ZFYVE21: variants seen among roughly 807,000 people sequenced by gnomAD.
The protein encoded by ZFYVE21 is zinc finger FYVE-type containing 21.
In ZFYVE21, 21 loss-of-function variants were observed where a neutral mutation model predicts 29.5. That is an observed-to-expected ratio of 0.71 (90% CI 0.50 to 1.02). The LOEUF is 1.02. ZFYVE21 is among the 50% of genes least tolerant of loss of function. ZFYVE21 has a pLI of 0.00. For missense variants in ZFYVE21, 326 were observed against 335.4 expected (o/e 0.97, Z 0.22); for synonymous variants, 151 against 133.8 (o/e 1.13, Z -0.89).
At chr14:103,718,238 C>T (rs1021602433) in intron 1 of ZFYVE21, among the ~76,000 whole-genome samples, 6 of 152,188 alleles carry the variant, frequency 3.9e-5, no homozygotes, top group Admixed American at 2.6e-4. Context: ...TATCTGTAAA[C>T]GTGTTGGTCC....
intron 1 of ZFYVE21, among the ~76,000 whole-genome samples, chr14:103,719,027 G>A (rs1170599529): frequency 6.6e-6 from 1 of 152,192 alleles, no homozygotes; most frequent in African/African-American, 2.4e-5. Flanking sequence ...TTTGCAGGGA[G>A]GAGTGGCCAA....
intron 1 of ZFYVE21, chr14:103,725,945 A>G (rs1380241978): frequency 1.3e-5 from 2 of 152,286 alleles, no homozygotes; most frequent in Non-Finnish European, 2.9e-5. Flanking sequence ...TGCTGTCAGA[A>G]TTCCTGGTGG....
chr14:103,732,376 C>T (rs562069730), intron 5 of ZFYVE21: 29 of 397,844 alleles, frequency 7.3e-5, no homozygotes, highest in Non-Finnish European at 1.0e-4. Flanking sequence ...TTGTTTGTCC[C>T]GGGCCCTGGG....
intron 1 of ZFYVE21, among the ~76,000 whole-genome samples, chr14:103,721,520 G>A (rs2151951022): frequency 6.6e-6 from 1 of 152,378 alleles, no homozygotes; most frequent in East Asian, 1.9e-4. Context: ...CTGCCTCTGT[G>A]ACGCCACTGC....
rs2083945550 is a variant in ZFYVE21 at position 103,728,132 on chromosome 14, G to A, written c.358+218G>A. The A allele has an allele frequency of 9.9e-6, 5 of 503,276 alleles. No individual in the cohort carries two copies. In the South Asian group the frequency reaches 1.3e-4, roughly 13 times the overall value. 31.2% of individuals were successfully genotyped at this position (503,276 alleles called of 1,614,324 possible). A position where few individuals can be genotyped will look rare whatever the true frequency, so the allele number is the denominator to read the frequency against. On this transcript the variant is annotated intron_variant, in intron 3 of 6. Transcript: ENST00000311141. ...CGTCTAAAATGTTGGTGCTGACTCC[G>A]CTGGGCACGTCCATCAGGTGGGAGG...
In ZFYVE21 at chr14:103,716,471, G is replaced by A. The variant is rs1032645047; in HGVS notation, c.138+492G>A. On this transcript the variant is annotated intron_variant, in intron 1 of 6. Transcript: ENST00000311141. This position sits in a 1 kb window ranked among gnomAD's most constrained non-coding sequence, Gnocchi z 4.8. ...GCAGGGGTCCCTCCCGGGAACCGGG[G>A]GAGGCGTCGGTGCCGCGGGCGGGTG... Among the ~76,000 whole-genome samples the A allele has an allele frequency of 6.6e-6, 1 of 152,238 alleles. No individual in the cohort carries two copies. The highest frequency in any genetic ancestry group is 1.5e-5 in the Non-Finnish European group (1 of 68,030).
In ZFYVE21 at chr14:103,716,504, C is replaced by T. The variant is rs1414939448; in HGVS notation, c.138+525C>T. Among the ~76,000 whole-genome samples the T allele has an allele frequency of 3.3e-5, 5 of 152,354 alleles. No homozygotes were observed. Among genetic ancestry groups the T allele is most frequent in the African/African-American group, 1.2e-4 (5 of 41,584 alleles). On this transcript the variant is annotated intron_variant, in intron 1 of 6. Transcript: ENST00000311141. This position sits in a 1 kb window ranked among gnomAD's most constrained non-coding sequence, Gnocchi z 4.8. Reference sequence around the variant, plus strand: ...CGGTGCCGCGGGCGGGTGGCCGGTTCCGAAGCCACCTCCTGCTCGGAAGGA... The same window carrying T: ...CGGTGCCGCGGGCGGGTGGCCGGTTTCGAAGCCACCTCCTGCTCGGAAGGA...
At chr14:103,732,576 T>C in intron 5 of ZFYVE21, 44 bp from the exon 6 acceptor site, 2 of 1,516,430 alleles carry the variant, frequency 1.3e-6, no homozygotes, top group Non-Finnish European at 1.8e-6. Flanking sequence ...GCCTGGGCAC[T>C]CAGGGCCTCC....
At position 103,730,020 on chromosome 14, in the gene ZFYVE21, C is replaced by G. The variant is rs1294213533; in HGVS notation, c.526+838C>G. 5 of 719,764 alleles carry G rather than the reference C, an allele frequency of 6.9e-6. No homozygotes were observed. The Admixed American group carries it at 9.1e-5, about 13-fold the overall frequency. 44.6% of individuals were successfully genotyped at this position (719,764 alleles called of 1,614,324 possible). ...GGATCTGATAAGTGGGTTTATAAAG[C>G]ATAAATGAAGATACCGCAGCAGATG... is the stretch of plus-strand genomic sequence containing the variant. On this transcript the variant is annotated intron_variant, in intron 5 of 6. Coordinates refer to ENST00000311141, the MANE Select transcript of ZFYVE21 (RefSeq NM_024071.4).
chr14:103,718,644 A>G (rs988950999), intron 1 of ZFYVE21, among the ~76,000 whole-genome samples: 1 of 152,086 alleles, frequency 6.6e-6, no homozygotes, highest in Non-Finnish European at 1.5e-5. Context: ...AATATCCGAC[A>G]CTGACGCAAG....
chr14:103,730,729 C>CA (rs1272721083), intron 5 of ZFYVE21: 3 of 152,586 alleles, frequency 2.0e-5, no homozygotes, highest in Non-Finnish European at 4.4e-5. Flanking sequence ...GGCCGCCTGC[C>CA]AGCCTGGGCC....
intron 1 of ZFYVE21, among the ~76,000 whole-genome samples, chr14:103,723,558 T>A (rs917109872): frequency 6.6e-6 from 1 of 152,146 alleles, no homozygotes; most frequent in Non-Finnish European, 1.5e-5. Flanking sequence ...CTGCCTGAGT[T>A]GGGGCAGTGG....
intron 5 of ZFYVE21, chr14:103,731,838 A>G (rs2083978964): frequency 6.6e-6 from 1 of 152,234 alleles, no homozygotes; most frequent in South Asian, 2.1e-4. Context: ...CATCAAGTTC[A>G]TGGGAGGCTG....
rs996479314 is a variant in ZFYVE21 at position 103,715,814 on chromosome 14, C to A, written c.-28C>A. ...GCTGGGCGAGGGGCCGGGTGCGGGGCCGCTGGCCGAGAGGCTGAGGCGGCG... is the reference window on the plus strand; with the variant it reads ...GCTGGGCGAGGGGCCGGGTGCGGGGACGCTGGCCGAGAGGCTGAGGCGGCG... On this transcript the variant is annotated 5_prime_UTR_variant, in exon 1 of 7. Transcript: ENST00000311141. 203 of 1,334,560 alleles carry A rather than the reference C, an allele frequency of 1.5e-4. No individual in the cohort carries two copies. Among genetic ancestry groups the A allele is most frequent in the Non-Finnish European group, 1.9e-4 (195 of 1,035,330 alleles). The allele number at this position is 1,334,560 out of a possible 1,614,324, so 82.7% of individuals were successfully genotyped here.
chr14:103,732,574 A>G (rs760114115), intron 5 of ZFYVE21, 46 bp from the exon 6 acceptor site: 1 of 1,513,786 alleles, frequency 6.6e-7, no homozygotes, highest in East Asian at 2.3e-5. Flanking sequence ...CCGCCTGGGC[A>G]CTCAGGGCCT....
chr14:103,730,179 T>G, intron 5 of ZFYVE21: 1 of 326,396 alleles, frequency 3.1e-6, no homozygotes. Flanking sequence ...CTGCCAACAC[T>G]GCCCTTCCCC....
rs2083811925 is a variant in ZFYVE21 at position 103,716,388 on chromosome 14, C to A, written c.138+409C>A. On this transcript the variant is annotated intron_variant, in intron 1 of 6. Transcript: ENST00000311141. This position sits in a 1 kb window ranked among gnomAD's most constrained non-coding sequence, Gnocchi z 4.8. ...AAAGTGGAAGGCGGAGCGCCTTCCT[C>A]GCAGGCTCGGTGGGGAGGGCGCGTG... Among the ~76,000 whole-genome samples, 2 of 152,018 alleles carry A rather than the reference C, an allele frequency of 1.3e-5. No individual in the cohort carries two copies. Among genetic ancestry groups the A allele is most frequent in the Admixed American group, 1.3e-4 (2 of 15,282 alleles).
chr14:103,721,441 C>G (rs2083871764), intron 1 of ZFYVE21, among the ~76,000 whole-genome samples: 1 of 152,254 alleles, frequency 6.6e-6, no homozygotes, highest in Non-Finnish European at 1.5e-5. Context: ...GTGATTGGCC[C>G]TGCAAGGTGG....
chr14:103,729,433 C>G, intron 5 of ZFYVE21: 1 of 575,490 alleles, frequency 1.7e-6, no homozygotes, highest in Non-Finnish European at 3.1e-6. Flanking sequence ...TAATGATTTC[C>G]TCTGCTCTAA....
Sources: allele counts gnomAD v4.1 joint callset (sites outside exome capture counted in the v4.1 genomes callset), GRCh38; gene constraint gnomAD v4.1.1; non-coding constraint Gnocchi (gnomAD v3.1); transcripts MANE v1.5; gene names NCBI Gene and HGNC (gene_info 2026-07-23, HGNC 2026-07-21).